CFAP54: variants seen among roughly 807,000 people sequenced by gnomAD.
CFAP54 encodes the protein cilia and flagella associated protein 54.
CFAP54 carries 290 observed loss-of-function variants against 370.4 expected under a neutral mutation model. The observed-to-expected ratio is 0.78, with a 90% CI of 0.71 to 0.86. CFAP54 has a LOEUF of 0.86. Among genes scored for constraint, CFAP54 ranks in the 40% least tolerant of loss-of-function variants. CFAP54 has a pLI of 0.00. For synonymous variants in CFAP54, 1,206 were observed against 1,236.5 expected, an observed-to-expected ratio of 0.98 and a Z score of 0.52; for missense variants, 3,399 against 3,528.7, an observed-to-expected ratio of 0.96 and a Z score of 0.93.
intron 19 of CFAP54, among the ~76,000 whole-genome samples, chr12:96,571,944 T>G (rs1293776417): frequency 6.6e-6 from 1 of 152,230 alleles, no homozygotes; most frequent in Non-Finnish European, 1.5e-5. Context: ...TTATAAACTT[T>G]TCTTTTGTCA....
chr12:96,786,468 A>T (rs1348529558), intron 61 of CFAP54, among the ~76,000 whole-genome samples: 1 of 152,202 alleles, frequency 6.6e-6, no homozygotes, highest in East Asian at 1.9e-4. Context: ...GGCATAAGCC[A>T]CCGCGCCTGG....
intron 38 of CFAP54, among the ~76,000 whole-genome samples, chr12:96,661,538 C>T (rs189566801): frequency 1.3e-5 from 2 of 152,230 alleles, no homozygotes; most frequent in Admixed American, 1.3e-4. Context: ...TACTCATAGG[C>T]AGTCAGTGAG....
chr12:96,724,755 C>T (rs913417373), intron 50 of CFAP54, among the ~76,000 whole-genome samples: 3 of 152,286 alleles, frequency 2.0e-5, no homozygotes, highest in African/African-American at 4.8e-5. Flanking sequence ...TTGCCCATGC[C>T]TATTTCCTGA....
intron 58 of CFAP54, among the ~76,000 whole-genome samples, chr12:96,763,820 T>A (rs1303040225): frequency 6.6e-6 from 1 of 152,170 alleles, no homozygotes; most frequent in Non-Finnish European, 1.5e-5. Context: ...ATTACACAAA[T>A]AATTCAAATT....
intron 8 of CFAP54, among the ~76,000 whole-genome samples, chr12:96,524,212 GATTA>G (rs1377874559): frequency 1.3e-5 from 2 of 152,098 alleles, no homozygotes; most frequent in African/African-American, 4.8e-5. Context: ...CCTAATGATT[GATTA>G]GTTAGTGATT....
chr12:96,807,566 G>A (rs1958894866), intron 63 of CFAP54, among the ~76,000 whole-genome samples: 2 of 152,164 alleles, frequency 1.3e-5, no homozygotes, highest in Non-Finnish European at 1.5e-5. Flanking sequence ...AGTCTTTGCA[G>A]AAGTGAGTAA....
intron 24 of CFAP54, among the ~76,000 whole-genome samples, chr12:96,592,967 C>A (rs906505979): frequency 2.6e-5 from 4 of 152,068 alleles, no homozygotes; most frequent in Non-Finnish European, 5.9e-5. Flanking sequence ...CATATAATTT[C>A]TCTAATTTAA....
chr12:96,738,608 CT>C (rs71068829), intron 50 of CFAP54, among the ~76,000 whole-genome samples: 194 of 129,212 alleles, frequency 1.5e-3, no homozygotes, highest in Middle Eastern at 4.3e-3. Context: ...TCTAAATCTC[CT>C]TTTTTTTTTT....
At chr12:96,657,648 G>T (rs1177630503) in intron 36 of CFAP54, among the ~76,000 whole-genome samples, 1 of 152,162 alleles carries the variant, frequency 6.6e-6, no homozygotes, top group Non-Finnish European at 1.5e-5. Flanking sequence ...GTTTCTAGTG[G>T]CTATAGGGAA....
intron 45 of CFAP54, among the ~76,000 whole-genome samples, chr12:96,695,185 C>T (rs1293751595): frequency 2.0e-5 from 3 of 152,220 alleles, no homozygotes; most frequent in Non-Finnish European, 4.4e-5. Context: ...ACAATCAGCT[C>T]TTGCAAATTG....
chr12:96,664,715 CTA>C (rs376299898), intron 39 of CFAP54, among the ~76,000 whole-genome samples: 1,252 of 66,686 alleles, frequency 0.019, 115 homozygotes, highest in Middle Eastern at 0.029. Context: ...ATATATATAT[CTA>C]TATATATCTA....
intron 29 of CFAP54, 88 bp from the exon 30 acceptor site, chr12:96,626,725 G>C: frequency 1.4e-6 from 1 of 691,490 alleles, no homozygotes; most frequent in Non-Finnish European, 2.1e-6. Context: ...TTGCCTGTTG[G>C]AACAAAATGA....
At position 96,817,800 on chromosome 12, in the gene CFAP54, T is replaced by A; in HGVS notation, c.8983T>A (p.Ser2995Thr). ...NRVIAIHEKL[S>T]NLAQIAELSL... ...GGTTATTGCAATTCATGAGAAATTATCTAATCTTGCTCAAATAGCTGAACT... is the reference window on the plus strand; with the variant it reads ...GGTTATTGCAATTCATGAGAAATTAACTAATCTTGCTCAAATAGCTGAACT... Residue 2995 changes from serine to threonine, a missense_variant, in exon 65 of 68, where the codon TCT becomes ACT. Around this residue, in one of 3 missense-constraint regions of CFAP54, gnomAD observed 2,796 missense variants for 2,869.7 expected, o/e 0.97. Coordinates refer to ENST00000524981, the MANE Select transcript of CFAP54 (RefSeq NM_001306084.2). 1.3e-6 allele frequency: 2 copies of A among 1,494,958 alleles called. No individual in the cohort carries two copies. Among genetic ancestry groups the A allele is most frequent in the Non-Finnish European group, 1.8e-6 (2 of 1,124,428 alleles). 92.6% of individuals were successfully genotyped at this position (1,494,958 alleles called of 1,614,324 possible).
intron 39 of CFAP54, among the ~76,000 whole-genome samples, chr12:96,677,406 T>G (rs1957223945): frequency 6.6e-6 from 1 of 152,250 alleles, no homozygotes; most frequent in Non-Finnish European, 1.5e-5. Flanking sequence ...CTTCTTTTCC[T>G]GATCTCATTC....
intron 65 of CFAP54, among the ~76,000 whole-genome samples, chr12:96,820,762 A>T (rs1959023867): frequency 6.6e-6 from 1 of 152,212 alleles, no homozygotes; most frequent in Admixed American, 6.5e-5. Context: ...TATAAAGTGC[A>T]TGATTGCCCT....
chr12:96,671,648 G>A lies in CFAP54; in HGVS notation c.5563+7716G>A, dbSNP rs138505376. 4.2e-3 allele frequency among the ~76,000 whole-genome samples: 634 copies of A among 152,306 alleles called. 4 individuals are homozygous for A. Among genetic ancestry groups the A allele is most frequent in the African/African-American group, 0.014 (584 of 41,568 alleles). ...GAAAGTCATTGAATAGAGGCCAGGC[G>A]TGGTGGCTTACGCCTGTAATCCCAG... On this transcript the variant is annotated intron_variant, in intron 39 of 67. Transcript: ENST00000524981.
At chr12:96,553,459 A>G (rs1283893256) in intron 15 of CFAP54, among the ~76,000 whole-genome samples, 1 of 149,164 alleles carries the variant, frequency 6.7e-6, no homozygotes, top group Non-Finnish European at 1.5e-5. Flanking sequence ...GAGGAGTGGC[A>G]CTGTGGACAG....
At chr12:96,608,766 A>G (rs1412028851) in intron 26 of CFAP54, among the ~76,000 whole-genome samples, 1 of 152,134 alleles carries the variant, frequency 6.6e-6, no homozygotes, top group East Asian at 1.9e-4. Flanking sequence ...CCAGCTGCAT[A>G]GTAGGACTTC....
chr12:96,798,449 T>C (rs200209337), intron 63 of CFAP54, among the ~76,000 whole-genome samples: 1 of 152,208 alleles, frequency 6.6e-6, no homozygotes, highest in Non-Finnish European at 1.5e-5. Flanking sequence ...TTTCCATTTT[T>C]GCTGTTGAGA....
Sources: gnomAD v4.1 joint callset for allele counts (sites outside exome capture counted in the v4.1 genomes callset) on GRCh38, gnomAD v4.1.1 for gene constraint, gnomAD v4.1.1 regional missense constraint, MANE v1.5 for transcripts, NCBI Gene and HGNC (gene_info 2026-07-23, HGNC 2026-07-21) for gene names.